Variants in DCDC1 observed in about 807,000 individuals in gnomAD.
The protein encoded by DCDC1 is doublecortin domain containing 1.
A neutral mutation model predicts 178.3 loss-of-function variants in DCDC1; 200 were observed. That is an observed-to-expected ratio of 1.12 (90% CI 1.00 to 1.26). The LOEUF (loss-of-function observed/expected upper bound fraction) is 1.26, where lower values mean the gene tolerates loss of function less well. Ranked by LOEUF, DCDC1 falls within the 50% of genes most tolerant of loss-of-function variation. DCDC1 has a pLI of 0.00. For synonymous variants in DCDC1, 690 were observed against 604.8 expected, an observed-to-expected ratio of 1.14 and a Z score of -2.07; for missense variants, 1,983 against 1,749.2, an observed-to-expected ratio of 1.13 and a Z score of -2.38.
At chr11:31,170,966 T>C (rs1210987002) in intron 9 of DCDC1, among the ~76,000 whole-genome samples, 1 of 152,130 alleles carries the variant, frequency 6.6e-6, no homozygotes, top group African/African-American at 2.4e-5. Context: ...GCAGCTGGGA[T>C]TACAGGCATG....
chr11:31,272,746 T>C (rs1246448301), intron 7 of DCDC1, among the ~76,000 whole-genome samples: 2 of 152,368 alleles, frequency 1.3e-5, no homozygotes, highest in African/African-American at 2.4e-5. Flanking sequence ...GCAGTTCTAC[T>C]CCTGCGGCTT....
intron 10 of DCDC1, among the ~76,000 whole-genome samples, chr11:31,131,983 T>C (rs1962503773): frequency 6.6e-6 from 1 of 152,206 alleles, no homozygotes; most frequent in Non-Finnish European, 1.5e-5. Context: ...ATTGATGATG[T>C]CATTTGCACT....
chr11:30,891,332 G>T (rs2134046060), intron 36 of DCDC1, among the ~76,000 whole-genome samples: 1 of 152,220 alleles, frequency 6.6e-6, no homozygotes, highest in South Asian at 2.1e-4. Context: ...TAAGAGTCAT[G>T]AAATGCCTTT....
chr11:30,913,147 C>T (rs940964009), intron 27 of DCDC1, among the ~76,000 whole-genome samples: 4 of 152,250 alleles, frequency 2.6e-5, no homozygotes, highest in Admixed American at 1.3e-4. Flanking sequence ...CTTGGCCGGG[C>T]GCGGTGGCTC....
intron 20 of DCDC1, among the ~76,000 whole-genome samples, chr11:31,030,629 A>G (rs1953559793): frequency 6.6e-6 from 1 of 152,102 alleles, no homozygotes; most frequent in Non-Finnish European, 1.5e-5. Context: ...TAGAGTGCAT[A>G]TGTGCCGCCA....
At chr11:30,938,217 A>C (rs1005950299) in intron 21 of DCDC1, among the ~76,000 whole-genome samples, 5 of 146,782 alleles carry the variant, frequency 3.4e-5, no homozygotes, top group African/African-American at 7.6e-5. Context: ...TTCTTCTTCT[A>C]TCTCTCTCTC....
At chr11:31,043,580 A>G (rs1297002214) in intron 20 of DCDC1, among the ~76,000 whole-genome samples, 1 of 152,178 alleles carries the variant, frequency 6.6e-6, no homozygotes, top group African/African-American at 2.4e-5. Flanking sequence ...AAACCAACAT[A>G]AACAGACATT....
intron 21 of DCDC1, among the ~76,000 whole-genome samples, chr11:30,935,218 T>C (rs1417906489): frequency 1.3e-5 from 2 of 152,194 alleles, no homozygotes; most frequent in East Asian, 3.9e-4. Context: ...TTACCCTATG[T>C]TACTGTCCAA....
At chr11:31,304,418 G>T (rs769756293) in intron 6 of DCDC1, among the ~76,000 whole-genome samples, 1 of 151,932 alleles carries the variant, frequency 6.6e-6, no homozygotes, top group African/African-American at 2.4e-5. Flanking sequence ...TAAAATTAAG[G>T]CAGCCAGCCA....
intron 21 of DCDC1, among the ~76,000 whole-genome samples, chr11:30,932,715 A>G (rs998240400): frequency 6.6e-6 from 1 of 152,160 alleles, no homozygotes; most frequent in African/African-American, 2.4e-5. Context: ...CTAACTCAGA[A>G]ATGTCATAGA....
chr11:31,368,467 A>G (rs1218116490), intron 1 of DCDC1, among the ~76,000 whole-genome samples: 1 of 152,188 alleles, frequency 6.6e-6, no homozygotes, highest in East Asian at 1.9e-4. Flanking sequence ...CCATTGCTTT[A>G]GGTATTTTCA....
At chr11:31,052,154 A>G (rs1955300197) in intron 20 of DCDC1, among the ~76,000 whole-genome samples, 1 of 152,226 alleles carries the variant, frequency 6.6e-6, no homozygotes. Context: ...AAGGGGTGGA[A>G]AAAGGCATTT....
chr11:31,337,717 G>C (rs1397701269), intron 1 of DCDC1, among the ~76,000 whole-genome samples: 1 of 152,094 alleles, frequency 6.6e-6, no homozygotes, highest in Admixed American at 6.5e-5. Context: ...TCAGATTAAG[G>C]TTGCTGTTTT....
chr11:31,095,520 G>A (rs1486447474), intron 15 of DCDC1, among the ~76,000 whole-genome samples: 1 of 152,130 alleles, frequency 6.6e-6, no homozygotes, highest in South Asian at 2.1e-4. Flanking sequence ...ATCTGATAAG[G>A]GTAGAGGATA....
At chr11:31,048,851 C>T (rs1001818459) in intron 20 of DCDC1, among the ~76,000 whole-genome samples, 168 of 151,056 alleles carry the variant, frequency 1.1e-3, no homozygotes, top group African/African-American at 3.9e-3. Context: ...AGCAAGACTC[C>T]GTCTCAAAAA....
At chr11:31,203,237 A>G (rs1971500133) in intron 9 of DCDC1, among the ~76,000 whole-genome samples, 1 of 152,260 alleles carries the variant, frequency 6.6e-6, no homozygotes, top group South Asian at 2.1e-4. Flanking sequence ...AAATGAACAA[A>G]TCAATTATTC....
rs562264332 is a variant in DCDC1, at chr11:31,004,103, C to T, written c.2592-51535G>A. Reference sequence around the variant, plus strand: ...AGATCCAAAAGGAGATATTCAATTACCTATTGAATAAAAATGTTTTTTCCC... The same window carrying T: ...AGATCCAAAAGGAGATATTCAATTATCTATTGAATAAAAATGTTTTTTCCC... On this transcript the variant is annotated intron_variant, in intron 20 of 38. Transcript: ENST00000684477. Among the ~76,000 whole-genome samples the T allele has an allele frequency of 2.0e-5, 3 of 152,112 alleles. No homozygotes were observed. The East Asian group carries it at 5.8e-4, about 29-fold the overall frequency.
intron 20 of DCDC1, among the ~76,000 whole-genome samples, chr11:31,040,795 A>G (rs1954389743): frequency 6.6e-6 from 1 of 152,218 alleles, no homozygotes; most frequent in Non-Finnish European, 1.5e-5. Context: ...AAATGTCTTA[A>G]ACCCTGTCTT....
At chr11:30,992,445 A>G (rs1019938178) in intron 20 of DCDC1, 1 of 152,218 alleles carries the variant, frequency 6.6e-6, no homozygotes, top group African/African-American at 2.4e-5. Flanking sequence ...GTCCTGCCAA[A>G]GATAGATACC....
Sources: gnomAD v4.1 joint callset for allele counts (sites outside exome capture counted in the v4.1 genomes callset) on GRCh38, gnomAD v4.1.1 for gene constraint, MANE v1.5 for transcripts, NCBI Gene and HGNC (gene_info 2026-07-23, HGNC 2026-07-21) for gene names.